SLC2A14: variants seen among roughly 807,000 people sequenced by gnomAD.
The protein encoded by SLC2A14 is solute carrier family 2 member 14.
In SLC2A14, 13 loss-of-function variants were observed where a neutral mutation model predicts 43.0. The observed-to-expected ratio is 0.30, with a 90% CI of 0.20 to 0.48. SLC2A14 has a LOEUF of 0.48. Ranked by LOEUF, SLC2A14 falls within the 20% of genes least tolerant of loss-of-function variation. The pLI is 0.99. For missense variants in SLC2A14, 428 were observed against 620.4 expected, an observed-to-expected ratio of 0.69 and a Z score of 3.29; for synonymous variants, 190 against 233.8, an observed-to-expected ratio of 0.81 and a Z score of 1.71.
rs1430570590 is a variant in SLC2A14, at chr12:7,883,054, C to CA, written c.132+7941dup. 5.9e-5 allele frequency among the ~76,000 whole-genome samples: 9 copies of CA among 151,684 alleles called. No individual in the cohort carries two copies. The East Asian group carries it at 1.6e-3, about 26-fold the overall frequency. On this transcript the variant is annotated intron_variant, in intron 1 of 9. Transcript: ENST00000539924. Reference sequence around the variant, plus strand: ...TGAAACCCTGTCTCTACTAAAAATACAAAAATTAGCTGGACATGGTGGTGG... The same window carrying CA: ...TGAAACCCTGTCTCTACTAAAAATACAAAAAATTAGCTGGACATGGTGGTGG...
At position 7,817,930 on chromosome 12, in the gene SLC2A14, T is replaced by C; in HGVS notation, c.1176A>G (p.Glu392=). The C allele has an allele frequency of 6.2e-7, 1 of 1,614,026 alleles. No homozygotes were observed. The highest frequency in any genetic ancestry group is 1.1e-5 in the South Asian group (1 of 91,072). ...CTGGGCGGGGGCCCTGGCTGAAGAG[T>C]TCGGCCACAATAAACCAGGGAATGG... is the stretch of plus-strand genomic sequence containing the variant. ...PGPIPWFIVA[E]LFSQGPRPAA... Residue 392 remains glutamate (E), a synonymous_variant, in exon 10 of 11, where the codon GAA becomes GAG. Coordinates refer to ENST00000431042, the MANE Select transcript of SLC2A14 (RefSeq NM_001286234.2).
chr12:7,848,827 A>AT (rs1216329765), intron 2 of SLC2A14, among the ~76,000 whole-genome samples: 5 of 151,176 alleles, frequency 3.3e-5, no homozygotes, highest in African/African-American at 1.2e-4. Flanking sequence ...AAGTGCTGGG[A>AT]TTACAAGCAT....
intron 4 of SLC2A14, among the ~76,000 whole-genome samples, chr12:7,830,578 G>A (rs1864937601): frequency 6.6e-6 from 1 of 152,114 alleles, no homozygotes. Flanking sequence ...CGAGGCTATA[G>A]TGAGCTATGA....
chr12:7,828,626 A>G, intron 6 of SLC2A14, 78 bp downstream of exon 6: 9 of 1,446,832 alleles, frequency 6.2e-6, no homozygotes, highest in Non-Finnish European at 8.6e-6. Flanking sequence ...GGTACGACAG[A>G]AAATAGATCC....
intron 4 of SLC2A14, among the ~76,000 whole-genome samples, chr12:7,830,225 T>C (rs1415405588): frequency 6.6e-6 from 1 of 151,474 alleles, no homozygotes; most frequent in Non-Finnish European, 1.5e-5. Flanking sequence ...CGATCTCCGC[T>C]CACTGCAACC....
upstream of SLC2A14, among the ~76,000 whole-genome samples, chr12:7,875,361 A>C (rs1053321633): frequency 3.3e-5 from 5 of 150,362 alleles, no homozygotes; most frequent in Non-Finnish European, 7.4e-5. Flanking sequence ...TACAAAAATT[A>C]GCCGGGCATG....
chr12:7,821,772 T>C (rs973395592), intron 7 of SLC2A14, among the ~76,000 whole-genome samples: 5 of 151,874 alleles, frequency 3.3e-5, no homozygotes, highest in African/African-American at 1.2e-4. Flanking sequence ...TGGAGTGCAG[T>C]GGCACGATTA....
intron 1 of SLC2A14, among the ~76,000 whole-genome samples, chr12:7,888,301 A>G (rs1467304118): frequency 6.6e-6 from 1 of 152,106 alleles, no homozygotes; most frequent in South Asian, 2.1e-4. Context: ...CACAAGCAGT[A>G]ATGAAAGAAA....
chr12:7,890,506 A>G (rs1326835596), intron 1 of SLC2A14, among the ~76,000 whole-genome samples: 3 of 137,244 alleles, frequency 2.2e-5, no homozygotes, highest in African/African-American at 2.9e-5. Flanking sequence ...ACACAACATT[A>G]TAATTGTTTT....
intron 7 of SLC2A14, among the ~76,000 whole-genome samples, chr12:7,826,225 G>GTT (rs34224977): frequency 0.33 from 48,035 of 145,968 alleles, 8,702 homozygotes; most frequent in South Asian, 0.46. Flanking sequence ...TTCCTCCCAA[G>GTT]TTTTTTTTTT....
chr12:7,830,108 A>T, intron 4 of SLC2A14, 102 bp from the exon 5 acceptor site: 29 of 1,421,378 alleles, frequency 2.0e-5, no homozygotes, highest in South Asian at 1.2e-4. Context: ...GCTTATATCA[A>T]CTCCTTTTTT....
At chr12:7,873,199 C>T (rs987412521), upstream of SLC2A14, 1 of 985,438 alleles carries the variant, frequency 1.0e-6, no homozygotes, top group Admixed American at 6.1e-5. Context: ...TGGGACCCAC[C>T]ACCCTTGGCG....
chr12:7,867,115 T>A (rs1330716749), intron 2 of SLC2A14, among the ~76,000 whole-genome samples: 2 of 151,558 alleles, frequency 1.3e-5, no homozygotes, highest in East Asian at 3.9e-4. Flanking sequence ...CCGTCTCTAC[T>A]AAAAACACAA....
intron 1 of SLC2A14, chr12:7,871,244 T>C (rs1945215274): frequency 4.1e-6 from 5 of 1,220,462 alleles, no homozygotes; most frequent in East Asian, 4.6e-5. Context: ...CTCACCACCA[T>C]GGGTGACAGC....
chr12:7,877,977 G>A (rs906585883), upstream of SLC2A14, among the ~76,000 whole-genome samples: 4 of 152,106 alleles, frequency 2.6e-5, no homozygotes, highest in East Asian at 1.9e-4. Context: ...TCCTGAGCTC[G>A]TGATATGCCT....
chr12:7,857,127 G>A (rs1257895896), intron 2 of SLC2A14, among the ~76,000 whole-genome samples: 1 of 152,032 alleles, frequency 6.6e-6, no homozygotes, highest in Non-Finnish European at 1.5e-5. Context: ...GCACGTGCCT[G>A]TAGTTCCAGC....
At chr12:7,846,635 A>AT (rs34817500) in intron 2 of SLC2A14, among the ~76,000 whole-genome samples, 57,304 of 145,272 alleles carry the variant, frequency 0.39, 11,552 homozygotes, top group East Asian at 0.58. Context: ...AATATTCATA[A>AT]TTTTTTTTTT....
chr12:7,858,133 GA>G (rs1178537411), intron 2 of SLC2A14, among the ~76,000 whole-genome samples: 1 of 151,370 alleles, frequency 6.6e-6, no homozygotes, highest in African/African-American at 2.4e-5. Flanking sequence ...ACTCTTATCT[GA>G]AAAAAAACAA....
rs933346334 is a variant in SLC2A14, at chr12:7,884,209, C to T, written c.132+6787G>A. Among the ~76,000 whole-genome samples, 4 of 152,042 alleles carry T rather than the reference C, an allele frequency of 2.6e-5. No individual in the cohort carries two copies. The South Asian group carries it at 6.2e-4, about 24-fold the overall frequency. The stretch of plus-strand genomic sequence containing the variant: ...TGCTGGGATTACAGGCATGAGCCAC[C>T]GCGCCCAGCCTGAATTTCCTTTTCA... On this transcript the variant is annotated intron_variant, in intron 1 of 9. Transcript: ENST00000539924.
Sources: allele counts gnomAD v4.1 joint callset (sites outside exome capture counted in the v4.1 genomes callset), GRCh38; gene constraint gnomAD v4.1.1; transcripts MANE v1.5; gene names NCBI Gene and HGNC (gene_info 2026-07-23, HGNC 2026-07-21).